The following IL7 variants were observed in gnomAD, a reference collection of about 807,000 sequenced individuals.
IL7 encodes interleukin-7.
IL7 carries 3 observed loss-of-function variants against 21.6 expected under a neutral mutation model. The observed-to-expected ratio is 0.14, with a 90% CI of 0.06 to 0.36. The LOEUF is 0.36. Among genes scored for constraint, IL7 ranks in the 10% least tolerant of loss-of-function variants. The pLI is 1.00. For synonymous variants in IL7, 62 were observed against 68.1 expected, an observed-to-expected ratio of 0.91 and a Z score of 0.44; for missense variants, 175 against 200.2, an observed-to-expected ratio of 0.87 and a Z score of 0.76.
chr8:78,689,608 C>A (rs111664814), intron 3 of IL7, among the ~76,000 whole-genome samples: 1 of 151,784 alleles, frequency 6.6e-6, no homozygotes, highest in African/African-American at 2.4e-5. Context: ...TGTGGATATT[C>A]TATTGTCTTA....
intron 2 of IL7, among the ~76,000 whole-genome samples, chr8:78,771,768 GA>G (rs1563429358): frequency 1.3e-5 from 2 of 152,022 alleles, no homozygotes. Context: ...CAGCCTGGAG[GA>G]TTCAAAAACT....
intron 2 of IL7, among the ~76,000 whole-genome samples, chr8:78,789,350 T>C (rs1813612247): frequency 1.3e-5 from 2 of 152,202 alleles, no homozygotes; most frequent in South Asian, 4.1e-4. Flanking sequence ...TAAATTGATA[T>C]TAAAAAACTA....
intron 2 of IL7, among the ~76,000 whole-genome samples, chr8:78,794,755 G>A (rs1191110133): frequency 6.6e-6 from 1 of 151,962 alleles, no homozygotes; most frequent in Non-Finnish European, 1.5e-5. Flanking sequence ...TAGATGATAA[G>A]CAGACATCTA....
At chr8:78,731,066 G>A (rs578149858), downstream of IL7, among the ~76,000 whole-genome samples, 76 of 152,082 alleles carry the variant, frequency 5.0e-4, 1 homozygote, top group African/African-American at 1.7e-3. Context: ...TACAAGATAC[G>A]TGTTTCTAGA....
At chr8:78,783,603 A>G (rs140476205) in intron 2 of IL7, among the ~76,000 whole-genome samples, 2 of 152,148 alleles carry the variant, frequency 1.3e-5, no homozygotes, top group African/African-American at 4.8e-5. Flanking sequence ...CCATCCTACA[A>G]GCAGCGATCT....
At chr8:78,697,995 T>G (rs112823821) in intron 3 of IL7, among the ~76,000 whole-genome samples, 1 of 152,156 alleles carries the variant, frequency 6.6e-6, no homozygotes, top group African/African-American at 2.4e-5. Flanking sequence ...TTTTGTTGTT[T>G]TTTTCAGCTT....
At chr8:78,692,344 G>A (rs991402213) in intron 3 of IL7, among the ~76,000 whole-genome samples, 2 of 152,118 alleles carry the variant, frequency 1.3e-5, no homozygotes, top group East Asian at 1.9e-4. Context: ...CTATAGTTCA[G>A]TCTTATTTAT....
intron 3 of IL7, among the ~76,000 whole-genome samples, chr8:78,709,133 A>G (rs1053526839): frequency 1.3e-5 from 2 of 152,222 alleles, no homozygotes; most frequent in Admixed American, 1.3e-4. Context: ...TGAAACTATC[A>G]AATATCAGAG....
intron 2 of IL7, among the ~76,000 whole-genome samples, chr8:78,795,676 G>A (rs1586114363): frequency 6.6e-6 from 1 of 152,108 alleles, no homozygotes; most frequent in South Asian, 2.1e-4. Context: ...GCACTAGTTT[G>A]TTCTCTGCCC....
intron 3 of IL7, among the ~76,000 whole-genome samples, chr8:78,710,094 A>G (rs112749261): frequency 0.021 from 3,263 of 152,282 alleles, 122 homozygotes; most frequent in African/African-American, 0.068. Context: ...TATCGTCACC[A>G]TACTCATTCA....
At chr8:78,743,853 C>A (rs1364789641) in intron 2 of IL7, among the ~76,000 whole-genome samples, 1 of 151,988 alleles carries the variant, frequency 6.6e-6, no homozygotes, top group Admixed American at 6.5e-5. Context: ...CTGTGGTTTG[C>A]TGGGGGTCTA....
At position 78,795,219 on chromosome 8, in the gene IL7, A is replaced by T. The variant is rs573092130; in HGVS notation, c.147+2853T>A. ...CTATTAGTATTATGGTCTCCCCAAG[A>T]CTTAAACACAGTAATGTCTGCAAAG... On this transcript the variant is annotated intron_variant, in intron 2 of 5. Transcript: ENST00000263851. Among the ~76,000 whole-genome samples the T allele has an allele frequency of 5.9e-4, 90 of 152,220 alleles. 2 individuals are homozygous for T. The highest frequency in any genetic ancestry group is 5.4e-3 in the Admixed American group (83 of 15,280).
Position 78,762,143 on chromosome 8 carries a change from G to C in IL7, c.148-22061C>G, listed in dbSNP as rs1812584301. 1.9e-6 allele frequency: 3 copies of C among 1,597,136 alleles called. No homozygotes were observed. The African/African-American group carries it at 4.0e-5, about 21-fold the overall frequency. ...TATTCGTTTTCTGTGTCTACTATGT[G>C]GGTTGTTCAAATGACTGTTAAGATC... On this transcript the variant is annotated intron_variant, in intron 2 of 5. Transcript: ENST00000263851.
At chr8:78,739,585 G>A (rs990346292) in intron 3 of IL7, among the ~76,000 whole-genome samples, 3 of 151,776 alleles carry the variant, frequency 2.0e-5, no homozygotes, top group Admixed American at 1.3e-4. Flanking sequence ...CCAGTTACTC[G>A]GGAGACTGAG....
At chr8:78,700,861 A>G (rs1206990838) in intron 3 of IL7, among the ~76,000 whole-genome samples, 1 of 151,334 alleles carries the variant, frequency 6.6e-6, no homozygotes, top group Admixed American at 6.6e-5. Flanking sequence ...CCACTGGTCC[A>G]TGTTCCAGTA....
intron 2 of IL7, among the ~76,000 whole-genome samples, chr8:78,779,772 C>T (rs1344316538): frequency 1.3e-5 from 2 of 152,044 alleles, no homozygotes; most frequent in African/African-American, 2.4e-5. Context: ...AGTGAGGAGT[C>T]CCTCCTTTTC....
intron 2 of IL7, among the ~76,000 whole-genome samples, chr8:78,785,167 A>G (rs1813468014): frequency 6.6e-6 from 1 of 152,106 alleles, no homozygotes; most frequent in African/African-American, 2.4e-5. Flanking sequence ...ACTTAGTAAC[A>G]ATCATGTTGA....
chr8:78,704,638 G>T (rs1041500857), intron 3 of IL7, among the ~76,000 whole-genome samples: 1 of 152,062 alleles, frequency 6.6e-6, no homozygotes, highest in Non-Finnish European at 1.5e-5. Context: ...TTTGAATGTT[G>T]GCCCATCTAG....
intron 3 of IL7, among the ~76,000 whole-genome samples, chr8:78,727,662 T>C (rs776047983): frequency 3.3e-5 from 5 of 151,988 alleles, no homozygotes; most frequent in Non-Finnish European, 7.4e-5. Context: ...AACCTTCTGA[T>C]AAGGAGGCAA....
Sources: gnomAD v4.1 joint callset for allele counts (sites outside exome capture counted in the v4.1 genomes callset) on GRCh38, gnomAD v4.1.1 for gene constraint, MANE v1.5 for transcripts, NCBI Gene and HGNC (gene_info 2026-07-23, HGNC 2026-07-21) for gene names.